The following TEAD1 variants were observed in gnomAD, a reference collection of about 807,000 sequenced individuals.
TEAD1 encodes TEA domain transcription factor 1.
TEAD1 carries 9 observed loss-of-function variants against 54.9 expected under a neutral mutation model. The ratio of observed to expected loss-of-function variants is 0.16; its 90% CI spans 0.10 to 0.29. TEAD1 has a LOEUF of 0.29. Among genes scored for constraint, TEAD1 ranks in the 10% least tolerant of loss-of-function variants. The pLI, the probability that TEAD1 is intolerant of heterozygous loss-of-function variation, is 1.00. For missense variants in TEAD1, 387 were observed against 535.9 expected, an observed-to-expected ratio of 0.72 and a Z score of 2.74; for synonymous variants, 200 against 187.8, an observed-to-expected ratio of 1.07 and a Z score of -0.53.
intron 9 of TEAD1, among the ~76,000 whole-genome samples, chr11:12,896,340 T>A (rs1164729462): frequency 1.3e-5 from 2 of 152,214 alleles, no homozygotes; most frequent in African/African-American, 4.8e-5. Flanking sequence ...CTGGCTGGTT[T>A]CTTTACCTTT....
intron 2 of TEAD1, among the ~76,000 whole-genome samples, chr11:12,753,095 C>T (rs1223818963): frequency 7.3e-5 from 11 of 151,592 alleles, no homozygotes; most frequent in African/African-American, 9.7e-5. Context: ...CTGCCCATCT[C>T]GGCCTCCCAA....
intron 10 of TEAD1, among the ~76,000 whole-genome samples, chr11:12,912,954 T>C (rs937886032): frequency 7.2e-5 from 11 of 152,134 alleles, no homozygotes. Flanking sequence ...TCCACTCCCT[T>C]CTGTGGCTAC....
chr11:12,745,798 C>G (rs913435185), intron 2 of TEAD1, among the ~76,000 whole-genome samples: 5 of 151,440 alleles, frequency 3.3e-5, no homozygotes, highest in Non-Finnish European at 7.4e-5. Flanking sequence ...TTTTGTCCAT[C>G]TACCTTTCAC....
At chr11:12,706,730 G>A (rs553946499) in intron 2 of TEAD1, among the ~76,000 whole-genome samples, 1 of 152,244 alleles carries the variant, frequency 6.6e-6, no homozygotes, top group South Asian at 2.1e-4. Context: ...CTCTGGTGTG[G>A]CCGGGCCAGA....
chr11:12,903,185 A>G (rs1410825028), intron 10 of TEAD1, among the ~76,000 whole-genome samples: 1 of 152,162 alleles, frequency 6.6e-6, no homozygotes, highest in Non-Finnish European at 1.5e-5. Context: ...CTAGGAAAAA[A>G]GGCTCGTAGA....
At chr11:12,850,749 C>A (rs1201947932) in intron 3 of TEAD1, among the ~76,000 whole-genome samples, 1 of 152,206 alleles carries the variant, frequency 6.6e-6, no homozygotes, top group Non-Finnish European at 1.5e-5. Context: ...TCACACTTCT[C>A]TAAGGCCAAA....
At chr11:12,749,147 T>G (rs1944812440) in intron 2 of TEAD1, among the ~76,000 whole-genome samples, 1 of 152,094 alleles carries the variant, frequency 6.6e-6, no homozygotes, top group Non-Finnish European at 1.5e-5. Flanking sequence ...TGCGCTGGTT[T>G]GTTTTGCCTG....
intron 2 of TEAD1, among the ~76,000 whole-genome samples, chr11:12,752,922 C>G (rs1373069308): frequency 6.6e-6 from 1 of 151,852 alleles, no homozygotes; most frequent in African/African-American, 2.4e-5. Flanking sequence ...CTCACTACAG[C>G]TTGACCGCCT....
At chr11:12,866,899 AGAG>A (rs60326572) in intron 5 of TEAD1, among the ~76,000 whole-genome samples, 5,199 of 152,296 alleles carry the variant, frequency 0.034, 319 homozygotes, top group African/African-American at 0.12. Context: ...AATGTAAACT[AGAG>A]GAGCACTTTG....
intron 2 of TEAD1, among the ~76,000 whole-genome samples, chr11:12,686,052 A>G (rs1011467118): frequency 6.6e-6 from 1 of 152,156 alleles, no homozygotes; most frequent in Non-Finnish European, 1.5e-5. Context: ...TATTTTCGAC[A>G]GGGCTGCCCT....
chr11:12,868,022 A>G (rs1278874695), intron 5 of TEAD1, among the ~76,000 whole-genome samples: 1 of 152,174 alleles, frequency 6.6e-6, no homozygotes, highest in Non-Finnish European at 1.5e-5. Flanking sequence ...GGGGTAGACA[A>G]AGGTCTATGG....
intron 2 of TEAD1, among the ~76,000 whole-genome samples, chr11:12,683,023 G>A (rs1943256140): frequency 6.6e-6 from 1 of 152,172 alleles, no homozygotes; most frequent in Non-Finnish European, 1.5e-5. Flanking sequence ...AAATCCCAGA[G>A]TCAGTAGTGA....
At chr11:12,877,246 C>G (rs369203433) in intron 5 of TEAD1, among the ~76,000 whole-genome samples, 1 of 152,180 alleles carries the variant, frequency 6.6e-6, no homozygotes. Flanking sequence ...GAGTGTCACT[C>G]GGCCACGGGA....
At chr11:12,716,985 A>G (rs1299205898) in intron 2 of TEAD1, among the ~76,000 whole-genome samples, 2 of 152,228 alleles carry the variant, frequency 1.3e-5, no homozygotes, top group Admixed American at 6.5e-5. Context: ...GATCCGAAGT[A>G]GTGGGCTTGG....
In TEAD1 at chr11:12,940,417, C is replaced by G. The variant is rs956147908; in HGVS notation, c.*3195C>G. 3.3e-5 allele frequency: 5 copies of G among 152,216 alleles called. No homozygotes were observed. The highest frequency in any genetic ancestry group is 6.5e-5 in the Admixed American group (1 of 15,280). The allele number at this position is 152,216 out of a possible 1,614,324, so 9.4% of individuals were successfully genotyped here. A position where few individuals can be genotyped will look rare whatever the true frequency, so the allele number is the denominator to read the frequency against. The stretch of plus-strand genomic sequence containing the variant: ...CATCGGGTGCAAAATGATCCCTGGT[C>G]AAGATCTGTTGCCCAAGATGTTACA... On this transcript the variant is annotated 3_prime_UTR_variant, in exon 13 of 13. Transcript: ENST00000527636.
intron 7 of TEAD1, among the ~76,000 whole-genome samples, chr11:12,881,642 A>G (rs1285911333): frequency 6.6e-6 from 1 of 152,220 alleles, no homozygotes; most frequent in Admixed American, 6.5e-5. Context: ...CAGATGCCAC[A>G]GCACAAGGAA....
intron 12 of TEAD1, among the ~76,000 whole-genome samples, chr11:12,936,587 G>A (rs763486410): frequency 1.4e-4 from 21 of 152,194 alleles, no homozygotes; most frequent in Non-Finnish European, 2.6e-4. Context: ...AAAGAAGTAC[G>A]TGAAGTGCTT....
At chr11:12,779,281 G>A (rs1412436671) in intron 3 of TEAD1, among the ~76,000 whole-genome samples, 3 of 152,172 alleles carry the variant, frequency 2.0e-5, no homozygotes, top group Non-Finnish European at 2.9e-5. Context: ...TCAGAAGGGT[G>A]TTGAGTTAGG....
At chr11:12,778,366 CCGT>C (rs1945473362) in intron 3 of TEAD1, among the ~76,000 whole-genome samples, 5 of 151,992 alleles carry the variant, frequency 3.3e-5, no homozygotes, top group Admixed American at 2.6e-4. Flanking sequence ...GTCTGGGATA[CCGT>C]TCATCCTGTT....
Sources: gnomAD v4.1 joint callset for allele counts (sites outside exome capture counted in the v4.1 genomes callset) on GRCh38, gnomAD v4.1.1 for gene constraint, MANE v1.5 for transcripts, NCBI Gene and HGNC (gene_info 2026-07-23, HGNC 2026-07-21) for gene names.